The following SRP19 variants were observed in gnomAD, a reference collection of about 807,000 sequenced individuals.
The protein encoded by SRP19 is signal recognition particle 19, also known as signal recognition particle 19 kDa protein.
A neutral mutation model predicts 22.4 loss-of-function variants in SRP19; 11 were observed. That is an observed-to-expected ratio of 0.49 (90% CI 0.31 to 0.81). The LOEUF (loss-of-function observed/expected upper bound fraction) is 0.81, where lower values mean the gene tolerates loss of function less well. Ranked by LOEUF, SRP19 falls within the 40% of genes least tolerant of loss-of-function variation. The pLI, the probability that SRP19 is intolerant of heterozygous loss-of-function variation, is 0.05. For missense variants in SRP19, 168 were observed against 175.9 expected (o/e 0.96, Z 0.25); for synonymous variants, 61 against 57.6 (o/e 1.06, Z -0.27).
At chr5:112,878,859 G>GAAAA (rs750944655) in intron 4 of SRP19, 1 of 1,613,792 alleles carries the variant, frequency 6.2e-7, no homozygotes, top group South Asian at 1.1e-5. Context: ...AGGAGGGAAA[G>GAAAA]AAAAATATAT....
At chr5:112,875,494 G>T (rs114205186) in intron 4 of SRP19, among the ~76,000 whole-genome samples, 5,272 of 151,676 alleles carry the variant, frequency 0.035, 219 homozygotes, top group East Asian at 0.16. Context: ...GCCTCCTGAG[G>T]AGCTGGGACT....
At chr5:112,876,682 C>CAATT (rs1389586235) in intron 4 of SRP19, 2 of 152,184 alleles carry the variant, frequency 1.3e-5, no homozygotes, top group Non-Finnish European at 2.9e-5. Flanking sequence ...GGCACAGGCT[C>CAATT]AATTAGTTTT....
chr5:112,886,604 C>T (rs1375368369), intron 4 of SRP19, among the ~76,000 whole-genome samples: 1 of 152,126 alleles, frequency 6.6e-6, no homozygotes, highest in Non-Finnish European at 1.5e-5. Flanking sequence ...TACGTAAATG[C>T]TTGATGGAAT....
downstream of SRP19, chr5:112,893,800 G>T (rs1030313408): frequency 1.3e-5 from 2 of 152,218 alleles, no homozygotes; most frequent in Non-Finnish European, 2.9e-5. Context: ...GGAAGCCAGC[G>T]CCTTGAGGTA....
At chr5:112,880,672 T>C (rs1768044592) in intron 4 of SRP19, among the ~76,000 whole-genome samples, 1 of 152,234 alleles carries the variant, frequency 6.6e-6, no homozygotes. Context: ...CTCTTGCCCC[T>C]ATTTAGGAAT....
intron 4 of SRP19, chr5:112,877,497 G>GTACT (rs1009942223): frequency 2.0e-5 from 3 of 152,086 alleles, no homozygotes; most frequent in Admixed American, 6.5e-5. Context: ...TTACTGTTCT[G>GTACT]TACTTACTAT....
At chr5:112,883,164 T>TC (rs1561646512) in intron 4 of SRP19, among the ~76,000 whole-genome samples, 1 of 152,260 alleles carries the variant, frequency 6.6e-6, no homozygotes, top group Admixed American at 6.5e-5. Context: ...CATAATTCCT[T>TC]CTTCCAGTTA....
chr5:112,865,803 A>G (rs1767583992), intron 4 of SRP19, among the ~76,000 whole-genome samples: 1 of 152,244 alleles, frequency 6.6e-6, no homozygotes, highest in South Asian at 2.1e-4. Flanking sequence ...CATGTTGGCC[A>G]GAATGGTCTC....
intron 4 of SRP19, chr5:112,876,291 G>T (rs1767893901): frequency 6.6e-6 from 1 of 152,128 alleles, no homozygotes; most frequent in Admixed American, 6.5e-5. Flanking sequence ...AAAGAGCAGT[G>T]TTCATGGCTC....
intron 4 of SRP19, 63 bp downstream of exon 4, chr5:112,864,795 A>G (rs942578632): frequency 7.2e-5 from 95 of 1,316,670 alleles, no homozygotes; most frequent in Non-Finnish European, 9.0e-5. Context: ...AACACAAAAA[A>G]GGTTCTAAAA....
intron 1 of SRP19, 183 bp from the exon 2 acceptor site, chr5:112,862,325 C>T (rs1043484350): frequency 2.0e-5 from 13 of 650,790 alleles, no homozygotes; most frequent in African/African-American, 5.5e-5. Context: ...ATTAGTTGCT[C>T]GAGGGGACCA....
exon 5 of SRP19, chr5:112,892,754 TG>T (rs767857469): frequency 2.5e-6 from 4 of 1,613,652 alleles, no homozygotes; most frequent in Non-Finnish European, 3.4e-6. Flanking sequence ...AGGGAGAAGA[TG>T]GGCCACCACG....
chr5:112,871,193 AACAATATATTG>A (rs1455356819), downstream of SRP19, among the ~76,000 whole-genome samples: 1 of 151,174 alleles, frequency 6.6e-6, no homozygotes, highest in Admixed American at 6.6e-5. Flanking sequence ...CTATTGCTGT[AACAATATATTG>A]CTGTTTCTTC....
At chr5:112,877,979 CTCTGTGTGTGTGTGTGTGTGTGTGTGTG>C (rs1561644212) in intron 4 of SRP19, 2 of 115,478 alleles carry the variant, frequency 1.7e-5, no homozygotes, top group African/African-American at 7.3e-5. Flanking sequence ...TTACAGGTTA[CTCTGTGTGTGTGTGTGTGTGTGTGTGTG>C]TGTGTGTGTG....
At chr5:112,890,074 C>A (rs184500991) in intron 4 of SRP19, among the ~76,000 whole-genome samples, 1 of 149,990 alleles carries the variant, frequency 6.7e-6, no homozygotes, top group Non-Finnish European at 1.5e-5. Context: ...TGATCCACCC[C>A]CATCGGCCTC....
chr5:112,867,646 CTG>C lies in SRP19; in HGVS notation c.*112_*113del. ...TTTTTGTTTGCATCATTTAACTGAA[CTG>C]TGAACCCTTGTGCCTCTCATCTTTA... On this transcript the variant is annotated 3_prime_UTR_variant, in exon 5 of 5. Coordinates refer to ENST00000505459, the MANE Select transcript of SRP19 (RefSeq NM_003135.3). 7.2e-7 allele frequency: 1 copy of C among 1,384,652 alleles called. No individual in the cohort carries two copies. Among genetic ancestry groups the C allele is most frequent in the Non-Finnish European group, 9.4e-7 (1 of 1,064,538 alleles). 85.8% of individuals were successfully genotyped at this position (1,384,652 alleles called of 1,614,324 possible).
intron 1 of SRP19, among the ~76,000 whole-genome samples, chr5:112,861,954 G>A (rs538181537): frequency 1.3e-5 from 2 of 151,994 alleles, no homozygotes; most frequent in East Asian, 1.9e-4. Context: ...GTAATTTAAA[G>A]AAATAACATT....
chr5:112,887,211 A>T, intron 4 of SRP19: 1 of 1,538,786 alleles, frequency 6.5e-7, no homozygotes, highest in Non-Finnish European at 8.8e-7. Flanking sequence ...CAGCATGGGT[A>T]ACAGGAGGGT....
At chr5:112,874,836 C>T (rs1479494965) in intron 4 of SRP19, among the ~76,000 whole-genome samples, 1 of 149,940 alleles carries the variant, frequency 6.7e-6, no homozygotes, top group Non-Finnish European at 1.5e-5. Context: ...GTGCAAATGG[C>T]GTGATCTCGG....
Sources: allele counts gnomAD v4.1 joint callset (sites outside exome capture counted in the v4.1 genomes callset), GRCh38; gene constraint gnomAD v4.1.1; transcripts MANE v1.5; gene names NCBI Gene and HGNC (gene_info 2026-07-23, HGNC 2026-07-21).